INTS12: variants seen among roughly 807,000 people sequenced by gnomAD.
The protein encoded by INTS12 is integrator complex subunit 12.
Under a neutral mutation model 41.6 loss-of-function variants are expected in INTS12, and 13 were observed. That is an observed-to-expected ratio of 0.31 (90% CI 0.20 to 0.50). The LOEUF (loss-of-function observed/expected upper bound fraction) is 0.50, where lower values mean the gene tolerates loss of function less well. Ranked by LOEUF, INTS12 falls within the 20% of genes least tolerant of loss-of-function variation. The probability of loss-of-function intolerance (pLI) is 0.98; values close to 1 mark genes in which losing one functional copy is unlikely to be tolerated. For missense variants in INTS12, 432 were observed against 541.6 expected (o/e 0.80, Z 2.01); for synonymous variants, 199 against 191.4 (o/e 1.04, Z -0.33).
intron 1 of INTS12, 120 bp downstream of exon 1, chr4:105,708,518 T>C (rs886126734): frequency 6.1e-6 from 6 of 985,442 alleles, no homozygotes; most frequent in African/African-American, 1.7e-5. Context: ...CCGTAAATTA[T>C]GATTCCCCTT....
chr4:105,683,299 C>T lies in INTS12; in HGVS notation c.823G>A (p.Gly275Arg). Reference protein sequence around the residue: ...TEVKTSTVISGNSSSASVSSS... With the variant: ...TEVKTSTVISRNSSSASVSSS... ...GAAACGCTGGCACTAGAAGAATTTCCTGAAATAACTGTGGATGTCTAAAAA... is the reference window on the plus strand; with the variant it reads ...GAAACGCTGGCACTAGAAGAATTTCTTGAAATAACTGTGGATGTCTAAAAA... Residue 275 changes from glycine (G) to arginine (R), a missense_variant, in exon 8 of 8, where the codon GGA (glycine) becomes AGA (arginine). Physicochemically the swap from Gly to Arg is moderately radical, Grantham distance 125. Coordinates refer to ENST00000340139, the MANE Select transcript of INTS12 (RefSeq NM_020395.4). 1 of 1,611,098 alleles carries T rather than the reference C, an allele frequency of 6.2e-7. No homozygotes were observed. The highest frequency in any genetic ancestry group is 8.5e-7 in the Non-Finnish European group (1 of 1,178,560).
chr4:105,695,074 G>T (rs1731814630), intron 4 of INTS12, among the ~76,000 whole-genome samples: 1 of 131,444 alleles, frequency 7.6e-6, no homozygotes, highest in Non-Finnish European at 1.6e-5. Flanking sequence ...GACTACAGGT[G>T]CATGCCACCA....
intron 2 of INTS12, among the ~76,000 whole-genome samples, chr4:105,701,535 A>G (rs1051778926): frequency 6.6e-6 from 1 of 152,142 alleles, no homozygotes; most frequent in Non-Finnish European, 1.5e-5. Flanking sequence ...GCTGGTCACC[A>G]TGTACGTTCT....
At chr4:105,695,780 A>G in intron 3 of INTS12, 112 bp from the exon 4 acceptor site, 1 of 803,910 alleles carries the variant, frequency 1.2e-6, no homozygotes, top group Non-Finnish European at 2.0e-6. Flanking sequence ...CATTATAACC[A>G]ATGTAATATT....
intron 1 of INTS12, among the ~76,000 whole-genome samples, chr4:105,706,999 C>A (rs1429963563): frequency 6.6e-6 from 1 of 152,056 alleles, no homozygotes; most frequent in Non-Finnish European, 1.5e-5. Context: ...GGGCTTTCTA[C>A]CACCTTCGAA....
chr4:105,705,154 C>T (rs561906394), intron 1 of INTS12, among the ~76,000 whole-genome samples: 3 of 152,282 alleles, frequency 2.0e-5, no homozygotes, highest in African/African-American at 7.2e-5. Context: ...GTATTTACAG[C>T]CACTCCCATC....
At chr4:105,687,545 G>T (rs1358389856) in intron 6 of INTS12, among the ~76,000 whole-genome samples, 2 of 151,914 alleles carry the variant, frequency 1.3e-5, no homozygotes, top group Non-Finnish European at 2.9e-5. Flanking sequence ...AATCATTTTT[G>T]AGTTTATTTT....
intron 6 of INTS12, among the ~76,000 whole-genome samples, chr4:105,689,456 T>C (rs1253939781): frequency 6.6e-6 from 1 of 152,266 alleles, no homozygotes; most frequent in Non-Finnish European, 1.5e-5. Flanking sequence ...TCCTGGATTC[T>C]GATCTTTAGG....
intron 3 of INTS12, among the ~76,000 whole-genome samples, chr4:105,697,940 C>G (rs1177927686): frequency 6.6e-6 from 1 of 152,096 alleles, no homozygotes. Context: ...GTCTTAGCTA[C>G]TCAAGAGGCT....
chr4:105,684,105 T>C (rs544608111), intron 7 of INTS12, among the ~76,000 whole-genome samples: 7 of 152,190 alleles, frequency 4.6e-5, no homozygotes, highest in Non-Finnish European at 1.0e-4. Flanking sequence ...TCTCATTCTC[T>C]GATATATTTC....
Position 105,686,750 on chromosome 4 carries a change from G to C in INTS12, c.746C>G (p.Pro249Arg). ...TGTCTCTTGTTTCAGTTTAGTTTCT[G>C]GTTTCTTAACCAATGGATCTTTGAC... ...PAVKDPLVKK[P>R]ETKLKQETTF... Residue 249 changes from proline (P) to arginine (R), a missense_variant, in exon 7 of 8, where the codon CCA becomes CGA. By Grantham distance (103) the Pro-to-Arg change is moderately radical. Coordinates refer to ENST00000340139, the MANE Select transcript of INTS12 (RefSeq NM_020395.4). 2 of 1,613,370 alleles carry C rather than the reference G, an allele frequency of 1.2e-6. No homozygotes were observed. The highest frequency in any genetic ancestry group is 8.5e-7 in the Non-Finnish European group (1 of 1,179,636).
intron 7 of INTS12, 92 bp from the exon 8 acceptor site, chr4:105,683,409 C>T (rs964397879): frequency 1.4e-5 from 13 of 945,522 alleles, no homozygotes; most frequent in Non-Finnish European, 1.8e-5. Context: ...ATTTAAATCA[C>T]ACCACCAAAT....
rs1008278286 is a variant in INTS12 at position 105,682,794 on chromosome 4, T to C, written c.1328A>G (p.Asn443Ser). The C allele has an allele frequency of 1.9e-6, 3 of 1,613,952 alleles. No homozygotes were observed. The highest frequency in any genetic ancestry group is 1.3e-5 in the African/African-American group (1 of 74,930). ...GACCATCTGTAATCGCTTCATAGCA[T>C]TGAGCTGTGATTCTTGTGAAGTTGG... ...KGPTSQESQL[N>S]AMKRLQMVKK... The change falls in exon 8 of 8, where the codon AAT (asparagine) becomes AGT (serine). Residue 443 changes from asparagine (N) to serine (S), a missense_variant. By Grantham distance (46) the Asn-to-Ser change is conservative. Transcript: ENST00000340139.
rs553221690 is a variant in INTS12 at position 105,684,975 on chromosome 4, G to T, written c.805-1658C>A. Among the ~76,000 whole-genome samples, 6 of 152,128 alleles carry T rather than the reference G, an allele frequency of 3.9e-5. No homozygotes were observed. In the South Asian group the frequency reaches 1.2e-3, roughly 31 times the overall value. On this transcript the variant is annotated intron_variant, in intron 7 of 7. Transcript: ENST00000340139. ...GTTGCTTAGTATTGCTTTTCAACAG[G>T]ATGACAGATGGTTTATAATACTATC...
Position 105,690,225 on chromosome 4 carries a change from C to T in INTS12, c.657+1751G>A, listed in dbSNP as rs193108687. Reference sequence around the variant, plus strand: ...GAGAGAGAGGGCTGTAAGGTAGAGTCGGGTCAAAAAGAGAAGGTCCATATA... The same window carrying T: ...GAGAGAGAGGGCTGTAAGGTAGAGTTGGGTCAAAAAGAGAAGGTCCATATA... On this transcript the variant is annotated intron_variant, in intron 6 of 7. Transcript: ENST00000340139. Among the ~76,000 whole-genome samples the T allele has an allele frequency of 5.3e-5, 8 of 151,882 alleles. No individual in the cohort carries two copies. The East Asian group carries it at 9.7e-4, about 18-fold the overall frequency.
chr4:105,683,366 C>T (rs1224172368), intron 7 of INTS12, 49 bp from the exon 8 acceptor site: 2 of 1,274,542 alleles, frequency 1.6e-6, no homozygotes, highest in East Asian at 2.5e-5. Context: ...TTAATCAGTA[C>T]CTGTATAAAC....
chr4:105,690,476 AG>A (rs1260895238), intron 6 of INTS12, among the ~76,000 whole-genome samples: 1 of 152,190 alleles, frequency 6.6e-6, no homozygotes, highest in Non-Finnish European at 1.5e-5. Context: ...AGGTAGAATT[AG>A]CAAATCTGGT....
chr4:105,706,254 CTT>C (rs757516945), intron 1 of INTS12: 5,885 of 124,998 alleles, frequency 0.047, 75 homozygotes, highest in Middle Eastern at 0.12. Context: ...ACTTCAATCT[CTT>C]TTTTTTTTTT....
intron 3 of INTS12, among the ~76,000 whole-genome samples, chr4:105,696,910 T>A (rs542242104): frequency 6.6e-6 from 1 of 152,376 alleles, no homozygotes; most frequent in East Asian, 1.9e-4. Context: ...TGTAGTGATA[T>A]CTCATTTAGA....
Sources: gnomAD v4.1 joint callset for allele counts (sites outside exome capture counted in the v4.1 genomes callset) on GRCh38, gnomAD v4.1.1 for gene constraint, MANE v1.5 for transcripts, NCBI Gene and HGNC (gene_info 2026-07-23, HGNC 2026-07-21) for gene names.